The following RBP2 variants were observed in gnomAD, a reference collection of about 807,000 sequenced individuals.
RBP2 encodes the protein retinol-binding protein 2.
Under a neutral mutation model 17.0 loss-of-function variants are expected in RBP2, and 17 were observed. The observed-to-expected ratio is 1.00, with a 90% CI of 0.68 to 1.50. The LOEUF (loss-of-function observed/expected upper bound fraction) is 1.50. Among genes scored for constraint, RBP2 ranks in the 40% most tolerant of loss-of-function variants. RBP2 has a pLI of 0.00. For synonymous variants in RBP2, 48 were observed against 57.1 expected (o/e 0.84, Z 0.72); for missense variants, 158 against 168.2 (o/e 0.94, Z 0.33).
chr3:139,466,159 T>C (rs1235933433), intron 1 of RBP2, among the ~76,000 whole-genome samples: 5 of 152,158 alleles, frequency 3.3e-5, no homozygotes, highest in Non-Finnish European at 7.3e-5. Context: ...ATGGGAAAGG[T>C]GCTTTGTAGC....
intron 1 of RBP2, among the ~76,000 whole-genome samples, chr3:139,473,642 G>T (rs1486690516): frequency 6.6e-6 from 1 of 152,198 alleles, no homozygotes; most frequent in Non-Finnish European, 1.5e-5. Flanking sequence ...CCTGTCTTAT[G>T]TCCTGGGCAT....
Position 139,454,831 on chromosome 3 carries a change from C to T in RBP2, c.253-1G>A. 1.9e-6 allele frequency: 3 copies of T among 1,613,962 alleles called. No homozygotes were observed. Among genetic ancestry groups the T allele is most frequent in the Non-Finnish European group, 2.5e-6 (3 of 1,179,828 alleles). Reference sequence around the variant, plus strand: ...CATCACCTTCCCAGGTGACCAGTGCCTGTAAAGACAGATTCCCAGGCAAAT... The same window carrying T: ...CATCACCTTCCCAGGTGACCAGTGCTTGTAAAGACAGATTCCCAGGCAAAT... On this transcript the variant is annotated splice_acceptor_variant, in intron 2 of 3. Coordinates refer to ENST00000232217, the MANE Select transcript of RBP2 (RefSeq NM_004164.3). LOFTEE classifies it high-confidence loss of function.
At chr3:139,465,369 C>A (rs1218831091) in intron 1 of RBP2, among the ~76,000 whole-genome samples, 1 of 152,104 alleles carries the variant, frequency 6.6e-6, no homozygotes, top group Non-Finnish European at 1.5e-5. Context: ...CAGGGTGTAA[C>A]CTCCCTTGGG....
Position 139,453,068 on chromosome 3 carries a change from A to G in RBP2, c.*48T>C, listed in dbSNP as rs768792225. 21 of 1,608,816 alleles carry G rather than the reference A, an allele frequency of 1.3e-5. 1 individual carries two copies. The East Asian group carries it at 4.7e-4, about 36-fold the overall frequency. On this transcript the variant is annotated 3_prime_UTR_variant, in exon 4 of 4. Coordinates refer to ENST00000232217, the MANE Select transcript of RBP2 (RefSeq NM_004164.3). ...GTTTCTCAAAGCCAGTAGACCACTC[A>G]GTGTGGGCAGTGGGGAGCTTGTGCT...
intron 1 of RBP2, among the ~76,000 whole-genome samples, chr3:139,474,872 C>T (rs530609898): frequency 5.9e-5 from 9 of 152,288 alleles, no homozygotes; most frequent in African/African-American, 1.9e-4. Flanking sequence ...CTATTGGCCA[C>T]TCCTGGTACT....
intron 1 of RBP2, among the ~76,000 whole-genome samples, 154 bp from the exon 2 acceptor site, chr3:139,462,444 G>A (rs544160568): frequency 6.6e-6 from 1 of 152,076 alleles, no homozygotes; most frequent in Non-Finnish European, 1.5e-5. Flanking sequence ...TCGTGGCCAA[G>A]TTGGGCATTT....
chr3:139,472,547 A>C (rs1463319625), intron 1 of RBP2, among the ~76,000 whole-genome samples: 1 of 152,224 alleles, frequency 6.6e-6, no homozygotes, highest in Non-Finnish European at 1.5e-5. Context: ...AACCCAGGTC[A>C]CATGGGGAGA....
intron 2 of RBP2, among the ~76,000 whole-genome samples, chr3:139,457,763 G>C (rs1300395404): frequency 1.3e-5 from 2 of 152,176 alleles, no homozygotes; most frequent in African/African-American, 4.8e-5. Flanking sequence ...AACAAGTGAG[G>C]AAAGCCCTTC....
chr3:139,463,038 G>T (rs1219300082), intron 1 of RBP2, among the ~76,000 whole-genome samples: 1 of 151,658 alleles, frequency 6.6e-6, no homozygotes, highest in East Asian at 1.9e-4. Context: ...TTCACCATTT[G>T]CCCAGGCTGG....
Position 139,454,777 on chromosome 3 carries a change from C to A in RBP2, c.306G>T (p.Lys102Asn), listed in dbSNP as rs767748431. 4.3e-6 allele frequency: 7 copies of A among 1,614,200 alleles called. No homozygotes were observed. In the Admixed American group the frequency reaches 1.2e-4, roughly 27 times the overall value. ...DVLVCVQKGEKENRGWKQWIE... is the reference protein window; with the variant it reads ...DVLVCVQKGENENRGWKQWIE... ...TCCACTGCTTCCAGCCGCGGTTCTC[C>A]TTCTCCCCCTTTTGCACACACACAA... is the stretch of plus-strand genomic sequence containing the variant. Residue 102 changes from lysine (K) to asparagine (N), a missense_variant, in exon 3 of 4, where the codon AAG becomes AAT. By Grantham distance (94) the Lys-to-Asn change is moderately conservative. Transcript: ENST00000232217.
intron 2 of RBP2, 34 bp from the exon 3 acceptor site, chr3:139,454,864 A>C: frequency 5.1e-6 from 8 of 1,580,562 alleles, no homozygotes; most frequent in Non-Finnish European, 7.0e-6. Context: ...AATCAAACAC[A>C]TGGTCTTGAG....
intron 2 of RBP2, among the ~76,000 whole-genome samples, chr3:139,457,581 T>C (rs2107867203): frequency 6.6e-6 from 1 of 152,350 alleles, no homozygotes; most frequent in East Asian, 1.9e-4. Context: ...ATACTTACAA[T>C]ATTATAGCCT....
At chr3:139,462,688 C>G (rs1033086571) in intron 1 of RBP2, among the ~76,000 whole-genome samples, 2 of 151,932 alleles carry the variant, frequency 1.3e-5, no homozygotes, top group African/African-American at 2.4e-5. Flanking sequence ...AGAAAAAAGA[C>G]TTTGGAAATC....
intron 1 of RBP2, among the ~76,000 whole-genome samples, chr3:139,472,966 T>A (rs1021470363): frequency 5.3e-5 from 8 of 152,206 alleles, no homozygotes; most frequent in African/African-American, 1.9e-4. Flanking sequence ...GCAGAGTTAA[T>A]GAACTCTCTC....
chr3:139,453,331 GT>G (rs1194308070), intron 3 of RBP2, among the ~76,000 whole-genome samples, 165 bp from the exon 4 acceptor site: 1 of 152,190 alleles, frequency 6.6e-6, no homozygotes, highest in Non-Finnish European at 1.5e-5. Context: ...TGCCCTGCAG[GT>G]AGCAGTAATT....
chr3:139,456,136 G>A (rs1932950488), intron 2 of RBP2, among the ~76,000 whole-genome samples: 1 of 152,114 alleles, frequency 6.6e-6, no homozygotes, highest in Non-Finnish European at 1.5e-5. Flanking sequence ...CCTGATGCTA[G>A]CTGATTTTCT....
At chr3:139,458,208 G>C (rs558308927) in intron 2 of RBP2, among the ~76,000 whole-genome samples, 1 of 151,554 alleles carries the variant, frequency 6.6e-6, no homozygotes, top group South Asian at 2.1e-4. Context: ...TTTTTTAAAG[G>C]AAAACAACAG....
rs57107462 is a variant in RBP2 at position 139,459,400 on chromosome 3, A to ATGTGTGTGTGTGTGTGTGTGTG, written c.252+2690_252+2711dup. Among the ~76,000 whole-genome samples, 29 of 128,552 alleles carry ATGTGTGTGTGTGTGTGTGTGTG rather than the reference A, an allele frequency of 2.3e-4. 1 individual carries two copies. The highest frequency in any genetic ancestry group is 7.9e-4 in the African/African-American group (27 of 34,000). The allele number at this position is 128,552 out of a possible 152,430, so 84.3% of individuals were successfully genotyped here. ...GTGAAACCCTGTTTCTACTATATAT[A>ATGTGTGTGTGTGTGTGTGTGTG]TGTGTGTGTGTGTGTGTGTGTGTGT... On this transcript the variant is annotated intron_variant, in intron 2 of 3. Coordinates refer to ENST00000232217, the MANE Select transcript of RBP2 (RefSeq NM_004164.3).
chr3:139,459,259 G>T (rs1204516231), intron 2 of RBP2, among the ~76,000 whole-genome samples: 3 of 152,074 alleles, frequency 2.0e-5, no homozygotes, highest in Admixed American at 2.0e-4. Flanking sequence ...GTGGGTGACA[G>T]AAATTAATCA....
Sources: gnomAD v4.1 joint callset for allele counts (sites outside exome capture counted in the v4.1 genomes callset) on GRCh38, gnomAD v4.1.1 for gene constraint, MANE v1.5 for transcripts, NCBI Gene and HGNC (gene_info 2026-07-23, HGNC 2026-07-21) for gene names.